Variants in GALNT17 observed in about 807,000 individuals in gnomAD.
GALNT17 encodes UDP-GalNAc:polypeptide N-acetylgalactosaminyltransferase-like 3.
In GALNT17, 29 loss-of-function variants were observed where a neutral mutation model predicts 63.7. The observed-to-expected ratio is 0.46, with a 90% CI of 0.34 to 0.62. The LOEUF (loss-of-function observed/expected upper bound fraction) is 0.62. GALNT17 is among the 20% of genes least tolerant of loss of function. The pLI, the probability that GALNT17 is intolerant of heterozygous loss-of-function variation, is 0.01. For missense variants in GALNT17, 603 were observed against 799.6 expected, an observed-to-expected ratio of 0.75 and a Z score of 2.97; for synonymous variants, 305 against 318.3, an observed-to-expected ratio of 0.96 and a Z score of 0.45.
chr7:71,492,227 C>T lies in GALNT17; in HGVS notation c.962+71122C>T, dbSNP rs796957271. On this transcript the variant is annotated intron_variant, in intron 5 of 10. Transcript: ENST00000333538. The stretch of plus-strand genomic sequence containing the variant: ...CAGGGAGTCGGAGGTTGCAGTGAGC[C>T]GAGATCACGCCACTGCCCTCCAGCC... 2.0e-4 allele frequency among the ~76,000 whole-genome samples: 31 copies of T among 152,218 alleles called. 1 individual carries two copies. Among genetic ancestry groups the T allele is most frequent in the African/African-American group, 6.7e-4 (28 of 41,532 alleles).
chr7:71,544,213 G>A (rs1427177840), intron 5 of GALNT17, among the ~76,000 whole-genome samples: 1 of 147,334 alleles, frequency 6.8e-6, no homozygotes, highest in Admixed American at 6.9e-5. Flanking sequence ...CTCACTGCAA[G>A]CTCCGCCTCC....
chr7:71,590,913 C>G (rs1789789235), intron 6 of GALNT17, among the ~76,000 whole-genome samples: 1 of 152,060 alleles, frequency 6.6e-6, no homozygotes, highest in Non-Finnish European at 1.5e-5. Flanking sequence ...GTGCCCGCCA[C>G]CAAGCACAGC....
intron 5 of GALNT17, among the ~76,000 whole-genome samples, chr7:71,532,861 A>C (rs1262415808): frequency 1.3e-5 from 2 of 152,114 alleles, no homozygotes; most frequent in African/African-American, 2.4e-5. Flanking sequence ...CTCCCAGTAA[A>C]AGCCCCATTG....
intron 1 of GALNT17, among the ~76,000 whole-genome samples, chr7:71,329,579 A>C (rs1447756942): frequency 6.6e-6 from 1 of 152,042 alleles, no homozygotes; most frequent in African/African-American, 2.4e-5. Flanking sequence ...CATGGTTTGG[A>C]GGCCTCAGGA....
At chr7:71,269,734 C>T (rs1231834169) in intron 1 of GALNT17, among the ~76,000 whole-genome samples, 3 of 152,186 alleles carry the variant, frequency 2.0e-5, no homozygotes, top group Non-Finnish European at 4.4e-5. Context: ...AGTTTCCTAA[C>T]TTATTTTCCT....
At chr7:71,312,109 C>A (rs1473742764) in intron 1 of GALNT17, among the ~76,000 whole-genome samples, 1 of 152,184 alleles carries the variant, frequency 6.6e-6, no homozygotes, top group Non-Finnish European at 1.5e-5. Flanking sequence ...ATAATCCATG[C>A]CTTAATTTGC....
intron 9 of GALNT17, among the ~76,000 whole-genome samples, chr7:71,683,438 C>T (rs1333759320): frequency 6.6e-6 from 1 of 152,168 alleles, no homozygotes. Context: ...AACCAGGCGG[C>T]TCTCAGCAGA....
chr7:71,492,827 T>C (rs1788033061), intron 5 of GALNT17, among the ~76,000 whole-genome samples: 1 of 152,166 alleles, frequency 6.6e-6, no homozygotes. Flanking sequence ...TGGATCCTTG[T>C]CTTGAAGGAG....
chr7:71,428,024 G>T (rs1786791248), intron 5 of GALNT17, among the ~76,000 whole-genome samples: 1 of 152,176 alleles, frequency 6.6e-6, no homozygotes, highest in Non-Finnish European at 1.5e-5. Context: ...GTGCTGAAAA[G>T]GTTGGGGACT....
intron 5 of GALNT17, among the ~76,000 whole-genome samples, chr7:71,427,426 A>G (rs1451636400): frequency 6.6e-6 from 1 of 151,966 alleles, no homozygotes; most frequent in African/African-American, 2.4e-5. Flanking sequence ...TCAGAAGCCT[A>G]GTACCAAATG....
At chr7:71,661,953 G>A (rs1790913681) in intron 6 of GALNT17, among the ~76,000 whole-genome samples, 1 of 152,152 alleles carries the variant, frequency 6.6e-6, no homozygotes. Context: ...AAGGCTTGGT[G>A]TCCAGCACAG....
chr7:71,503,173 C>T (rs929686779), intron 5 of GALNT17, among the ~76,000 whole-genome samples: 12 of 152,090 alleles, frequency 7.9e-5, no homozygotes, highest in Non-Finnish European at 1.2e-4. Flanking sequence ...TCTTCTCACT[C>T]CAAGCTTTCT....
At chr7:71,374,478 A>G (rs759240581) in intron 2 of GALNT17, among the ~76,000 whole-genome samples, 17 of 152,228 alleles carry the variant, frequency 1.1e-4, no homozygotes, top group Non-Finnish European at 1.9e-4. Context: ...TTATGAAGGC[A>G]AGAGAGCCCC....
intron 1 of GALNT17, among the ~76,000 whole-genome samples, chr7:71,169,077 A>T (rs1298936955): frequency 6.6e-6 from 1 of 152,070 alleles, no homozygotes; most frequent in Non-Finnish European, 1.5e-5. Context: ...CGTTCTGATG[A>T]TGTGATCAGT....
At chr7:71,530,747 T>C (rs2116778760) in intron 5 of GALNT17, among the ~76,000 whole-genome samples, 1 of 152,146 alleles carries the variant, frequency 6.6e-6, no homozygotes, top group South Asian at 2.1e-4. Flanking sequence ...TTTTCTATTT[T>C]TTAGTAGAGA....
At chr7:71,673,225 A>C (rs1389724724) in intron 8 of GALNT17, among the ~76,000 whole-genome samples, 1 of 152,226 alleles carries the variant, frequency 6.6e-6, no homozygotes, top group African/African-American at 2.4e-5. Flanking sequence ...AAGGACAAAG[A>C]TTTGAGAGTA....
chr7:71,190,734 T>C (rs1788935941), intron 1 of GALNT17, among the ~76,000 whole-genome samples: 1 of 152,082 alleles, frequency 6.6e-6, no homozygotes, highest in Admixed American at 6.6e-5. Context: ...TGGGCTCAAG[T>C]GATCCTCCCA....
At chr7:71,433,389 A>G (rs1786903408) in intron 5 of GALNT17, among the ~76,000 whole-genome samples, 1 of 152,210 alleles carries the variant, frequency 6.6e-6, no homozygotes, top group South Asian at 2.1e-4. Flanking sequence ...GTGACTGATA[A>G]TGAAGATGGG....
intron 2 of GALNT17, among the ~76,000 whole-genome samples, chr7:71,377,114 A>AAAAAAAAATATATATAT: frequency 1.7e-5 from 1 of 57,484 alleles, no homozygotes; most frequent in Non-Finnish European, 3.0e-5. Context: ...AAATAAAAAA[A>AAAAAAAAATATATATAT]ATATATATAT....
Sources: allele counts gnomAD v4.1 joint callset (sites outside exome capture counted in the v4.1 genomes callset), GRCh38; gene constraint gnomAD v4.1.1; transcripts MANE v1.5; gene names NCBI Gene and HGNC (gene_info 2026-07-23, HGNC 2026-07-21).